The following GNB1 variants were observed in gnomAD, a reference collection of about 807,000 sequenced individuals.
GNB1 encodes the protein G protein subunit beta 1.
A neutral mutation model predicts 42.9 loss-of-function variants in GNB1; 2 were observed. The observed-to-expected ratio is 0.05, with a 90% CI of 0.02 to 0.15. The LOEUF (loss-of-function observed/expected upper bound fraction) is 0.15, where lower values mean the gene tolerates loss of function less well. Ranked by LOEUF, GNB1 falls within the 10% of genes least tolerant of loss-of-function variation. The pLI, the probability that GNB1 is intolerant of heterozygous loss-of-function variation, is 1.00. For missense variants in GNB1, 193 were observed against 462.2 expected (o/e 0.42, Z 5.34); for synonymous variants, 183 against 174.7 (o/e 1.05, Z -0.38).
chr1:1,888,587 C>T (rs1420325166), intron 1 of GNB1, among the ~76,000 whole-genome samples: 1 of 152,110 alleles, frequency 6.6e-6, no homozygotes, highest in Non-Finnish European at 1.5e-5. Context: ...CTCGTAATCC[C>T]AGCACTTTGG....
At chr1:1,852,130 C>T (rs1400492050) in intron 1 of GNB1, among the ~76,000 whole-genome samples, 2 of 149,518 alleles carry the variant, frequency 1.3e-5, no homozygotes, top group South Asian at 2.1e-4. Flanking sequence ...AGATGCCAAA[C>T]GTTAGGAGCC....
At chr1:1,869,185 C>CAAAAAAAAAAA (rs71578347) in intron 1 of GNB1, among the ~76,000 whole-genome samples, 1 of 26,746 alleles carries the variant, frequency 3.7e-5, no homozygotes, top group African/African-American at 1.3e-4. Flanking sequence ...GACACCTTCT[C>CAAAAAAAAAAA]AAAAAAAAAA....
chr1:1,851,496 G>A (rs1039551586), intron 1 of GNB1, among the ~76,000 whole-genome samples: 7 of 151,354 alleles, frequency 4.6e-5, no homozygotes, highest in Non-Finnish European at 2.9e-5. Context: ...CAGGAGAATC[G>A]CTTGAACCTG....
In GNB1 at chr1:1,850,133, T is replaced by C. The variant is rs1353944811; in HGVS notation, c.-95-10895A>G. Among the ~76,000 whole-genome samples the C allele has an allele frequency of 2.8e-5, 4 of 143,410 alleles. No individual in the cohort carries two copies. The East Asian group carries it at 8.0e-4, about 29-fold the overall frequency. The allele number at this position is 143,410 out of a possible 152,430, so 94.1% of individuals were successfully genotyped here. On this transcript the variant is annotated intron_variant, in intron 1 of 11. Coordinates refer to ENST00000378609, the MANE Select transcript of GNB1 (RefSeq NM_002074.5). ...GGTGCCCGCCACCACACCCAGCTAA[T>C]TTTTTTTTTTTTTCCAGATGGAGTT...
At chr1:1,890,225 T>G (rs979237600) in intron 1 of GNB1, 5 of 152,154 alleles carry the variant, frequency 3.3e-5, no homozygotes, top group Non-Finnish European at 2.9e-5. Flanking sequence ...CCGAAACCGT[T>G]ATTTTCCCAT....
At chr1:1,843,516 C>T (rs1158354349) in intron 1 of GNB1, among the ~76,000 whole-genome samples, 7 of 152,104 alleles carry the variant, frequency 4.6e-5, no homozygotes, top group African/African-American at 1.4e-4. Context: ...CACAAGGCAC[C>T]GCACCCAGCT....
At chr1:1,872,637 G>GGCT (rs1649308927) in intron 1 of GNB1, among the ~76,000 whole-genome samples, 1 of 152,014 alleles carries the variant, frequency 6.6e-6, no homozygotes, top group Non-Finnish European at 1.5e-5. Flanking sequence ...GAAGCATAGG[G>GGCT]GCTCCTTGCC....
At chr1:1,803,721 C>G (rs1219798077) in intron 7 of GNB1, among the ~76,000 whole-genome samples, 1 of 152,164 alleles carries the variant, frequency 6.6e-6, no homozygotes, top group African/African-American at 2.4e-5. Context: ...CAGCGGCTCA[C>G]GCCTATAATC....
At position 1,858,626 on chromosome 1, in the gene GNB1, T is replaced by A. The variant is rs540537569; in HGVS notation, c.-95-19388A>T. Among the ~76,000 whole-genome samples, 4 of 152,316 alleles carry A rather than the reference T, an allele frequency of 2.6e-5. No homozygotes were observed. In the East Asian group the frequency reaches 7.7e-4, roughly 29 times the overall value. On this transcript the variant is annotated intron_variant, in intron 1 of 11. Transcript: ENST00000378609. The stretch of plus-strand genomic sequence containing the variant: ...CCACAGTGATGAGTCCAGCCCAGAC[T>A]GTGGGCCATGAAAGCCTAAGCTCCC...
chr1:1,878,129 C>T (rs1649648538), intron 1 of GNB1, among the ~76,000 whole-genome samples: 1 of 152,308 alleles, frequency 6.6e-6, no homozygotes, highest in South Asian at 2.1e-4. Context: ...CTATTAACAG[C>T]ACCTATCAGA....
chr1:1,793,234 C>A lies in GNB1; in HGVS notation c.497+11G>T. On this transcript the variant is annotated intron_variant, in intron 8 of 11. Coordinates refer to ENST00000378609, the MANE Select transcript of GNB1 (RefSeq NM_002074.5). ...TCTCAAGGCACTGCCTGCCCCGGGTCAGGTACTTACCACGTGGTGTCTCCA... is the reference window on the plus strand; with the variant it reads ...TCTCAAGGCACTGCCTGCCCCGGGTAAGGTACTTACCACGTGGTGTCTCCA... 1 of 1,600,668 alleles carries A rather than the reference C, an allele frequency of 6.2e-7. No homozygotes were observed. Among genetic ancestry groups the A allele is most frequent in the South Asian group, 1.1e-5 (1 of 90,520 alleles).
chr1:1,796,064 C>A (rs1646542336), intron 7 of GNB1, among the ~76,000 whole-genome samples: 1 of 152,220 alleles, frequency 6.6e-6, no homozygotes, highest in Non-Finnish European at 1.5e-5. Context: ...AGTACCCATA[C>A]AACTATTCTG....
intron 1 of GNB1, among the ~76,000 whole-genome samples, chr1:1,856,282 G>A (rs1317487696): frequency 3.3e-5 from 5 of 152,102 alleles, no homozygotes; most frequent in African/African-American, 1.2e-4. Context: ...ACAACCTCCT[G>A]AATAGGGCTT....
At chr1:1,791,716 A>G (rs563861559) in intron 8 of GNB1, among the ~76,000 whole-genome samples, 1 of 152,350 alleles carries the variant, frequency 6.6e-6, no homozygotes, top group East Asian at 1.9e-4. Flanking sequence ...CAATCAGCCA[A>G]TCTCAACAGA....
At chr1:1,810,998 G>GT (rs1230318853) in intron 5 of GNB1, among the ~76,000 whole-genome samples, 2 of 149,706 alleles carry the variant, frequency 1.3e-5, no homozygotes, top group African/African-American at 4.9e-5. Context: ...GTTTTGTTTT[G>GT]TTTTTTGAGG....
At chr1:1,801,707 A>G (rs893698074) in intron 7 of GNB1, among the ~76,000 whole-genome samples, 2 of 152,162 alleles carry the variant, frequency 1.3e-5, no homozygotes, top group Non-Finnish European at 2.9e-5. Flanking sequence ...AAGTAACTCA[A>G]AGGAAGGTAG....
chr1:1,835,622 G>C (rs1028369851), intron 2 of GNB1, among the ~76,000 whole-genome samples: 2 of 152,176 alleles, frequency 1.3e-5, no homozygotes, highest in African/African-American at 4.8e-5. Flanking sequence ...GGCAACCAGT[G>C]TAACAGTGGA....
intron 1 of GNB1, among the ~76,000 whole-genome samples, chr1:1,883,278 CAAAAAAA>C (rs70937202): frequency 4.0e-5 from 3 of 75,398 alleles, no homozygotes; most frequent in Admixed American, 1.5e-4. Context: ...AACCCTGTCC[CAAAAAAA>C]AAAAAAAAAG....
chr1:1,848,235 C>T (rs555338946), intron 1 of GNB1, among the ~76,000 whole-genome samples: 143 of 151,524 alleles, frequency 9.4e-4, no homozygotes, highest in South Asian at 1.7e-3. Context: ...AAAAATTAGC[C>T]GGGCATGGTG....
Sources: allele counts gnomAD v4.1 joint callset (sites outside exome capture counted in the v4.1 genomes callset), GRCh38; gene constraint gnomAD v4.1.1; transcripts MANE v1.5; gene names NCBI Gene and HGNC (gene_info 2026-07-23, HGNC 2026-07-21).